The following ZCWPW2 variants were observed in gnomAD, a reference collection of about 807,000 sequenced individuals.
ZCWPW2 encodes the protein zinc finger CW-type PWWP domain protein 2.
In ZCWPW2, 45 loss-of-function variants were observed where a neutral mutation model predicts 46.6. The observed-to-expected ratio is 0.96, with a 90% confidence interval of 0.76 to 1.24. The LOEUF is 1.24. Among genes scored for constraint, ZCWPW2 ranks in the 50% most tolerant of loss-of-function variants. The pLI is 0.00. For missense variants in ZCWPW2, 429 were observed against 403.9 expected (o/e 1.06, Z -0.53); for synonymous variants, 152 against 137.1 (o/e 1.11, Z -0.76).
intron 3 of ZCWPW2, among the ~76,000 whole-genome samples, chr3:28,434,831 T>C (rs1697418402): frequency 6.6e-6 from 1 of 152,220 alleles, no homozygotes; most frequent in South Asian, 2.1e-4. Context: ...TAAATATCTC[T>C]TATTGTCCCT....
Position 28,349,200 on chromosome 3 carries a change from T to A in ZCWPW2, c.-137T>A, listed in dbSNP as rs1577152715. ...GCCAGGAGGCGGAGGCGGAGTGGAG[T>A]TAGGTAAGAGCGTTACCAGCCGTCT... On this transcript the variant is annotated 5_prime_UTR_variant, in exon 1 of 10. Coordinates refer to ENST00000383768, the MANE Select transcript of ZCWPW2 (RefSeq NM_001040432.4). The A allele has an allele frequency of 8.1e-6, 8 of 984,712 alleles. No individual in the cohort carries two copies. Among genetic ancestry groups the A allele is most frequent in the African/African-American group, 3.5e-5 (2 of 56,976 alleles). 61.0% of individuals were successfully genotyped at this position (984,712 alleles called of 1,614,324 possible).
intron 3 of ZCWPW2, among the ~76,000 whole-genome samples, chr3:28,426,902 G>A (rs1409988557): frequency 1.3e-5 from 2 of 152,198 alleles, no homozygotes; most frequent in East Asian, 3.9e-4. Context: ...CTTCTATGGG[G>A]GCAATAATTG....
At chr3:28,435,291 C>T (rs779827839) in intron 4 of ZCWPW2, 22 bp downstream of exon 4, 2 of 1,569,128 alleles carry the variant, frequency 1.3e-6, no homozygotes, top group African/African-American at 1.4e-5. Flanking sequence ...AACATCAAAA[C>T]TTTATTCTTC....
intron 1 of ZCWPW2, among the ~76,000 whole-genome samples, chr3:28,349,714 A>G (rs543131625): frequency 6.6e-6 from 1 of 152,310 alleles, no homozygotes; most frequent in Non-Finnish European, 1.5e-5. Flanking sequence ...CTAAGGTATT[A>G]TTGGTTAAAT....
chr3:28,439,720 TAAC>T (rs530834025), intron 4 of ZCWPW2, among the ~76,000 whole-genome samples: 2 of 152,212 alleles, frequency 1.3e-5, no homozygotes, highest in Non-Finnish European at 2.9e-5. Flanking sequence ...TACATAAAGT[TAAC>T]AATACCTAAA....
chr3:28,379,441 A>C (rs1435749806), intron 1 of ZCWPW2, among the ~76,000 whole-genome samples: 1 of 152,216 alleles, frequency 6.6e-6, no homozygotes, highest in African/African-American at 2.4e-5. Flanking sequence ...AAAACAGCAA[A>C]AAATGCCCTT....
At chr3:28,409,577 G>C (rs1436564348) in intron 2 of ZCWPW2, among the ~76,000 whole-genome samples, 2 of 152,266 alleles carry the variant, frequency 1.3e-5, no homozygotes, top group East Asian at 3.9e-4. Context: ...ATAGAACTAT[G>C]ATGCTGGCAA....
Position 28,435,090 on chromosome 3 carries a change from C to G in ZCWPW2, c.333-20C>G, listed in dbSNP as rs770901471. 1.9e-6 allele frequency: 3 copies of G among 1,602,388 alleles called. No homozygotes were observed. The South Asian group carries it at 3.4e-5, about 18-fold the overall frequency. ...CTTTTTAAAAGCATCAAAATAATTA[C>G]AAATATTTTCTTTTGAAAGTTGGCC... On this transcript the variant is annotated intron_variant, in intron 3 of 9. Transcript: ENST00000383768.
chr3:28,505,450 T>C (rs1329942224), intron 6 of ZCWPW2, among the ~76,000 whole-genome samples: 1 of 152,116 alleles, frequency 6.6e-6, no homozygotes, highest in Non-Finnish European at 1.5e-5. Flanking sequence ...TGAAATAGTG[T>C]CTAAAATAGG....
intron 2 of ZCWPW2, among the ~76,000 whole-genome samples, chr3:28,404,332 C>T (rs886643704): frequency 1.3e-5 from 2 of 151,832 alleles, no homozygotes; most frequent in East Asian, 3.9e-4. Context: ...AATGCGATAC[C>T]ACCTTACTCT....
chr3:28,456,979 G>A (rs1164382209), intron 4 of ZCWPW2, among the ~76,000 whole-genome samples: 1 of 152,102 alleles, frequency 6.6e-6, no homozygotes, highest in Non-Finnish European at 1.5e-5. Context: ...GATGATACTG[G>A]CCTCATAGAA....
At chr3:28,370,725 G>GGTTTTT (rs1225385954) in intron 1 of ZCWPW2, among the ~76,000 whole-genome samples, 12 of 152,008 alleles carry the variant, frequency 7.9e-5, no homozygotes, top group African/African-American at 1.9e-4. Flanking sequence ...TTTTCATAAA[G>GGTTTTT]GTTTTTGTTT....
intron 4 of ZCWPW2, chr3:28,447,621 A>G (rs1461880255): frequency 4.2e-5 from 11 of 258,826 alleles, no homozygotes; most frequent in Admixed American, 4.2e-4. Context: ...AACTTTCACC[A>G]TTCTATTCAA....
At chr3:28,420,029 C>A (rs543911149) in intron 3 of ZCWPW2, among the ~76,000 whole-genome samples, 69 of 148,930 alleles carry the variant, frequency 4.6e-4, no homozygotes, top group African/African-American at 1.6e-3. Context: ...ACATATGTAA[C>A]AAACCTGCAC....
intron 5 of ZCWPW2, among the ~76,000 whole-genome samples, chr3:28,490,177 T>G (rs1699757359): frequency 6.6e-6 from 1 of 152,130 alleles, no homozygotes; most frequent in Non-Finnish European, 1.5e-5. Flanking sequence ...TAACAAATAC[T>G]GGCGAGGTTG....
At chr3:28,521,176 A>C in intron 9 of ZCWPW2, 60 bp downstream of exon 9, 3 of 1,527,756 alleles carry the variant, frequency 2.0e-6, no homozygotes, top group Non-Finnish European at 2.6e-6. Flanking sequence ...AAACAGCAGA[A>C]TTGTTCCTAG....
intron 3 of ZCWPW2, among the ~76,000 whole-genome samples, chr3:28,431,352 A>T (rs1009489161): frequency 6.6e-6 from 1 of 152,098 alleles, no homozygotes; most frequent in Non-Finnish European, 1.5e-5. Flanking sequence ...TTATTTTCTC[A>T]GTTCTGGAGG....
rs72901740 is a variant in ZCWPW2, at chr3:28,391,098, A to T, written c.-14+481A>T. Among the ~76,000 whole-genome samples, 592 of 152,242 alleles carry T rather than the reference A, an allele frequency of 3.9e-3. 3 individuals are homozygous for T. Among genetic ancestry groups the T allele is most frequent in the African/African-American group, 0.014 (571 of 41,552 alleles). On this transcript the variant is annotated intron_variant, in intron 2 of 9. Coordinates refer to ENST00000383768, the MANE Select transcript of ZCWPW2 (RefSeq NM_001040432.4). ...TTTAGACTAAAATTATTTTCAAGTT[A>T]AGGGAGATTACATAAGAATTGGAGA...
chr3:28,407,132 C>G (rs1232927898), intron 2 of ZCWPW2, among the ~76,000 whole-genome samples: 1 of 152,174 alleles, frequency 6.6e-6, no homozygotes, highest in African/African-American at 2.4e-5. Context: ...TGGCGAGTTT[C>G]CTCCTATGTG....
Sources: allele counts gnomAD v4.1 joint callset (sites outside exome capture counted in the v4.1 genomes callset), GRCh38; gene constraint gnomAD v4.1.1; transcripts MANE v1.5; gene names NCBI Gene and HGNC (gene_info 2026-07-23, HGNC 2026-07-21).